The following MYO6 variants were observed in gnomAD, a reference collection of about 807,000 sequenced individuals.
MYO6 encodes the protein myosin VI.
A neutral mutation model predicts 178.7 loss-of-function variants in MYO6; 74 were observed. The ratio of observed to expected loss-of-function variants is 0.41; its 90% CI spans 0.34 to 0.50. The LOEUF (loss-of-function observed/expected upper bound fraction) is 0.50. Ranked by LOEUF, MYO6 falls within the 20% of genes least tolerant of loss-of-function variation. The pLI, the probability that MYO6 is intolerant of heterozygous loss-of-function variation, is 0.09. For synonymous variants in MYO6, 477 were observed against 504.6 expected (o/e 0.95, Z 0.73); for missense variants, 1,330 against 1,547.4 (o/e 0.86, Z 2.36).
intron 10 of MYO6, 151 bp from the exon 11 acceptor site, chr6:75,848,200 T>G: frequency 2.8e-6 from 2 of 704,786 alleles, no homozygotes; most frequent in East Asian, 2.8e-5. Flanking sequence ...TTCATGGTCA[T>G]TTAGTTTTTG....
chr6:75,767,288 A>C (rs1448738959), intron 1 of MYO6, among the ~76,000 whole-genome samples: 1 of 151,948 alleles, frequency 6.6e-6, no homozygotes, highest in African/African-American at 2.4e-5. Flanking sequence ...GGCCTCCCAG[A>C]GTGTTGGGAT....
intron 29 of MYO6, 52 bp downstream of exon 29, chr6:75,895,312 G>T: frequency 7.8e-6 from 11 of 1,415,832 alleles, no homozygotes; most frequent in South Asian, 1.2e-5. Flanking sequence ...TACTTTTTGG[G>T]AGTAGTTTTC....
chr6:75,883,192 A>G (rs1160269406), intron 23 of MYO6, among the ~76,000 whole-genome samples: 1 of 152,138 alleles, frequency 6.6e-6, no homozygotes, highest in Non-Finnish European at 1.5e-5. Context: ...AAATTTCTAC[A>G]TAATTAAAAA....
At chr6:75,884,553 A>G in intron 23 of MYO6, among the ~76,000 whole-genome samples, 1 of 152,210 alleles carries the variant, frequency 6.6e-6, no homozygotes, top group East Asian at 1.9e-4. Flanking sequence ...CAAGATAGGA[A>G]TTGCAGTAGA....
At chr6:75,840,940 A>G (rs1214266929) in intron 8 of MYO6, among the ~76,000 whole-genome samples, 1 of 152,322 alleles carries the variant, frequency 6.6e-6, no homozygotes, top group East Asian at 1.9e-4. Flanking sequence ...ACCTGTGTTG[A>G]GGTACGGTGC....
At chr6:75,838,054 CTTT>C (rs35550064) in intron 7 of MYO6, among the ~76,000 whole-genome samples, 17 of 136,192 alleles carry the variant, frequency 1.2e-4, no homozygotes, top group Admixed American at 3.7e-4. Flanking sequence ...TCTATAGCTT[CTTT>C]TTTTTTTTTT....
At chr6:75,848,686 A>C (rs1258202081) in intron 11 of MYO6, among the ~76,000 whole-genome samples, 155 bp downstream of exon 11, 1 of 150,636 alleles carries the variant, frequency 6.6e-6, no homozygotes, top group African/African-American at 2.4e-5. Context: ...CCAAATGAAG[A>C]ATGTTTCATT....
intron 1 of MYO6, among the ~76,000 whole-genome samples, chr6:75,758,764 A>T (rs1777696146): frequency 1.3e-5 from 2 of 152,120 alleles, no homozygotes. Context: ...GGCCTGTTTC[A>T]GCTTTTTAAC....
intron 20 of MYO6, among the ~76,000 whole-genome samples, chr6:75,874,307 T>A (rs1271057360): frequency 6.6e-6 from 1 of 152,198 alleles, no homozygotes; most frequent in Admixed American, 6.6e-5. Context: ...CTGCACAGGG[T>A]TGGTAGACAA....
At chr6:75,841,541 A>C (rs1294522040) in intron 9 of MYO6, among the ~76,000 whole-genome samples, 163 bp downstream of exon 9, 1 of 151,914 alleles carries the variant, frequency 6.6e-6, no homozygotes, top group Non-Finnish European at 1.5e-5. Flanking sequence ...AAAAATACAA[A>C]AAATTAGCTG....
intron 11 of MYO6, 42 bp downstream of exon 11, chr6:75,848,573 A>G (rs750636505): frequency 6.3e-7 from 1 of 1,576,696 alleles, no homozygotes; most frequent in Non-Finnish European, 8.7e-7. Context: ...ATTAAATAGA[A>G]TTTCTGTTAT....
chr6:75,904,571 A>C (rs1019146011), intron 30 of MYO6, among the ~76,000 whole-genome samples: 9 of 152,078 alleles, frequency 5.9e-5, no homozygotes, highest in Non-Finnish European at 1.2e-4. Context: ...CTTGATTTTC[A>C]GCTCTATCAG....
intron 25 of MYO6, among the ~76,000 whole-genome samples, chr6:75,889,621 C>T (rs1479724734): frequency 6.6e-6 from 1 of 152,170 alleles, no homozygotes; most frequent in South Asian, 2.1e-4. Flanking sequence ...CTATGTTGGC[C>T]AGGCTGGTCT....
intron 1 of MYO6, among the ~76,000 whole-genome samples, chr6:75,761,054 C>T (rs549098510): frequency 8.5e-5 from 13 of 152,098 alleles, no homozygotes; most frequent in Non-Finnish European, 1.6e-4. Context: ...GAACAAAGAA[C>T]CTGTGTGTGT....
chr6:75,912,595 G>A (rs2149429185), intron 33 of MYO6, among the ~76,000 whole-genome samples: 1 of 152,192 alleles, frequency 6.6e-6, no homozygotes, highest in African/African-American at 2.4e-5. Context: ...AAATTAAAAA[G>A]TAGGTTAATT....
chr6:75,784,882 CTA>C (rs1767380775), intron 1 of MYO6, among the ~76,000 whole-genome samples: 1 of 146,882 alleles, frequency 6.8e-6, no homozygotes, highest in East Asian at 2.1e-4. Context: ...TATAGAGAAA[CTA>C]AAAGTGATTT....
At chr6:75,851,755 T>C (rs192011588) in intron 11 of MYO6, among the ~76,000 whole-genome samples, 5 of 152,068 alleles carry the variant, frequency 3.3e-5, no homozygotes, top group Admixed American at 2.6e-4. Context: ...TGAGGTGGAA[T>C]GATTGAGCCC....
rs763582158 is a variant in MYO6, at chr6:75,895,193, T to C, written c.3108-38T>C. 16 of 1,520,512 alleles carry C rather than the reference T, an allele frequency of 1.1e-5. No homozygotes were observed. The Admixed American group carries it at 2.7e-4, about 26-fold the overall frequency. 94.2% of individuals were successfully genotyped at this position (1,520,512 alleles called of 1,614,324 possible). On this transcript the variant is annotated intron_variant, in intron 28 of 34. Coordinates refer to ENST00000369977, the MANE Select transcript of MYO6 (RefSeq NM_004999.4). ...CAATCCAGATTTTCACAGTTCACAATTGGTTACGATATTAACTAAAATATA... is the reference window on the plus strand; with the variant it reads ...CAATCCAGATTTTCACAGTTCACAACTGGTTACGATATTAACTAAAATATA...
chr6:75,791,061 G>C (rs1259528382), intron 1 of MYO6, among the ~76,000 whole-genome samples: 1 of 152,076 alleles, frequency 6.6e-6, no homozygotes, highest in African/African-American at 2.4e-5. Flanking sequence ...AACCTCCCGA[G>C]TAGCTGGACT....
Sources: allele counts gnomAD v4.1 joint callset (sites outside exome capture counted in the v4.1 genomes callset), GRCh38; gene constraint gnomAD v4.1.1; transcripts MANE v1.5; gene names NCBI Gene and HGNC (gene_info 2026-07-23, HGNC 2026-07-21).